The following ATP8A1 variants were observed in gnomAD, a reference collection of about 807,000 sequenced individuals.
ATP8A1 encodes ATPase phospholipid transporting 8A1.
Under a neutral mutation model 177.7 loss-of-function variants are expected in ATP8A1, and 90 were observed. The observed-to-expected ratio is 0.51, with a 90% CI of 0.43 to 0.60. ATP8A1 has a LOEUF of 0.60. ATP8A1 is among the 20% of genes least tolerant of loss of function. ATP8A1 has a pLI of 0.00. For synonymous variants in ATP8A1, 493 were observed against 485.9 expected, an observed-to-expected ratio of 1.01 and a Z score of -0.19; for missense variants, 1,072 against 1,392.8, an observed-to-expected ratio of 0.77 and a Z score of 3.67.
chr4:42,604,604 T>G (rs753236233), intron 5 of ATP8A1, among the ~76,000 whole-genome samples: 1 of 152,230 alleles, frequency 6.6e-6, no homozygotes, highest in African/African-American at 2.4e-5. Flanking sequence ...AATAGTTGTA[T>G]AGGAAAATAC....
intron 1 of ATP8A1, 45 bp downstream of exon 1, chr4:42,656,780 C>A: frequency 6.6e-7 from 1 of 1,511,612 alleles, no homozygotes; most frequent in Non-Finnish European, 8.9e-7. Context: ...CACACACACT[C>A]GCTTCCCGAC....
chr4:42,548,009 C>T (rs553647486), intron 19 of ATP8A1, among the ~76,000 whole-genome samples: 2 of 152,314 alleles, frequency 1.3e-5, no homozygotes, highest in South Asian at 4.1e-4. Flanking sequence ...GGCCTCTCTG[C>T]CTCAAGAATG....
intron 5 of ATP8A1, among the ~76,000 whole-genome samples, chr4:42,609,338 T>C (rs1736139744): frequency 6.6e-6 from 1 of 152,172 alleles, no homozygotes; most frequent in South Asian, 2.1e-4. Context: ...CAATGGCTTA[T>C]TAAACATCAA....
chr4:42,636,082 G>T (rs1739306231), intron 1 of ATP8A1, among the ~76,000 whole-genome samples: 1 of 140,906 alleles, frequency 7.1e-6, no homozygotes, highest in Admixed American at 7.3e-5. Context: ...GACTATGGGG[G>T]AAGGGGGAGT....
chr4:42,624,852 C>T (rs1250014939), intron 3 of ATP8A1, among the ~76,000 whole-genome samples: 1 of 151,892 alleles, frequency 6.6e-6, no homozygotes, highest in Non-Finnish European at 1.5e-5. Context: ...ACTACAACCT[C>T]CATTGGAAGA....
chr4:42,579,280 T>A (rs1467786376), intron 11 of ATP8A1, among the ~76,000 whole-genome samples: 1 of 151,148 alleles, frequency 6.6e-6, no homozygotes, highest in Admixed American at 6.6e-5. Context: ...GAAAATACAT[T>A]GGGTTTAAAC....
chr4:42,531,272 A>T (rs1727234686), intron 20 of ATP8A1, among the ~76,000 whole-genome samples: 2 of 152,232 alleles, frequency 1.3e-5, no homozygotes. Flanking sequence ...CCCTTCAGGA[A>T]TGAAGGTTTG....
At chr4:42,566,580 A>C (rs2109307172) in intron 15 of ATP8A1, among the ~76,000 whole-genome samples, 1 of 152,358 alleles carries the variant, frequency 6.6e-6, no homozygotes, top group Admixed American at 6.5e-5. Flanking sequence ...TTACCTGCTT[A>C]ATCTGCTCTT....
chr4:42,509,108 C>T (rs1027501725), intron 22 of ATP8A1, among the ~76,000 whole-genome samples: 2 of 152,208 alleles, frequency 1.3e-5, no homozygotes, highest in Non-Finnish European at 2.9e-5. Flanking sequence ...TTACGTAGTA[C>T]TGAACTGGGC....
chr4:42,590,435 C>A (rs991088760), intron 7 of ATP8A1, among the ~76,000 whole-genome samples: 2 of 152,090 alleles, frequency 1.3e-5, no homozygotes. Context: ...ATGACTGTTT[C>A]ATGAAAAGCT....
At chr4:42,638,986 T>C (rs368979179) in intron 1 of ATP8A1, among the ~76,000 whole-genome samples, 47 of 152,290 alleles carry the variant, frequency 3.1e-4, no homozygotes, top group Non-Finnish European at 5.7e-4. Context: ...AGTTTTTGAC[T>C]GTCAAAGGGG....
intron 4 of ATP8A1, among the ~76,000 whole-genome samples, chr4:42,620,975 C>T (rs1202991279): frequency 6.6e-6 from 1 of 152,188 alleles, no homozygotes; most frequent in Non-Finnish European, 1.5e-5. Context: ...TTGTGAAACA[C>T]TAGCATGATG....
At chr4:42,654,863 G>A (rs900960497) in intron 1 of ATP8A1, among the ~76,000 whole-genome samples, 1 of 152,158 alleles carries the variant, frequency 6.6e-6, no homozygotes, top group Non-Finnish European at 1.5e-5. Flanking sequence ...CTCTCTCAAA[G>A]GAGAATATTC....
At chr4:42,626,917 C>G in intron 2 of ATP8A1, 78 bp downstream of exon 2, 1 of 1,111,276 alleles carries the variant, frequency 9.0e-7, no homozygotes, top group Non-Finnish European at 1.4e-6. Flanking sequence ...ACTGAAAGCT[C>G]TTTGCAAGCA....
At chr4:42,503,303 CAG>C in intron 24 of ATP8A1, 145 bp downstream of exon 24, 1 of 473,744 alleles carries the variant, frequency 2.1e-6, no homozygotes. Context: ...TGACTCAAAA[CAG>C]AGTACATTAT....
intron 20 of ATP8A1, among the ~76,000 whole-genome samples, chr4:42,541,228 C>A (rs964625298): frequency 6.6e-6 from 1 of 151,990 alleles, no homozygotes; most frequent in African/African-American, 2.4e-5. Context: ...TCTGAAGATA[C>A]CTCATCACAG....
intron 9 of ATP8A1, among the ~76,000 whole-genome samples, chr4:42,584,158 C>T (rs1733387093): frequency 6.6e-6 from 1 of 152,204 alleles, no homozygotes; most frequent in Admixed American, 6.5e-5. Flanking sequence ...AAAACATTCT[C>T]TCAGGCTGCT....
intron 14 of ATP8A1, 42 bp from the exon 15 acceptor site, chr4:42,569,247 A>G: frequency 1.3e-6 from 2 of 1,533,346 alleles, no homozygotes; most frequent in Non-Finnish European, 8.9e-7. Context: ...AGGAAAAATA[A>G]TCACAGAAAG....
chr4:42,501,610 A>C (rs1224286922), intron 24 of ATP8A1, among the ~76,000 whole-genome samples: 1 of 152,264 alleles, frequency 6.6e-6, no homozygotes, highest in Non-Finnish European at 1.5e-5. Context: ...TGATCAGTAC[A>C]ATTTGAACAC....
Sources: allele counts gnomAD v4.1 joint callset (sites outside exome capture counted in the v4.1 genomes callset), GRCh38; gene constraint gnomAD v4.1.1; transcripts MANE v1.5; gene names NCBI Gene and HGNC (gene_info 2026-07-23, HGNC 2026-07-21).